The following ASAP2 variants were observed in gnomAD, a reference collection of about 807,000 sequenced individuals.
ASAP2 encodes arf-GAP with SH3 domain, ANK repeat and PH domain-containing protein 2.
A neutral mutation model predicts 131.4 loss-of-function variants in ASAP2; 45 were observed. That is an observed-to-expected ratio of 0.34 (90% confidence interval 0.27 to 0.44). The LOEUF (loss-of-function observed/expected upper bound fraction) is 0.44. ASAP2 is among the 20% of genes least tolerant of loss of function. ASAP2 has a pLI of 1.00. For missense variants in ASAP2, 1,011 were observed against 1,297.0 expected, an observed-to-expected ratio of 0.78 and a Z score of 3.39; for synonymous variants, 510 against 503.0, an observed-to-expected ratio of 1.01 and a Z score of -0.19.
At chr2:9,316,423 T>C (rs886454162) in intron 3 of ASAP2, among the ~76,000 whole-genome samples, 1 of 152,190 alleles carries the variant, frequency 6.6e-6, no homozygotes, top group African/African-American at 2.4e-5. Context: ...AATAAAACTT[T>C]CCTTTGCTTG....
chr2:9,286,447 A>AAAAATAT (rs58605449), intron 2 of ASAP2, among the ~76,000 whole-genome samples: 30 of 148,490 alleles, frequency 2.0e-4, no homozygotes, highest in African/African-American at 7.6e-4. Context: ...GAAAAAAAAA[A>AAAAATAT]ATATATATAT....
chr2:9,301,913 T>C (rs976321359), intron 3 of ASAP2, among the ~76,000 whole-genome samples: 4 of 144,284 alleles, frequency 2.8e-5, no homozygotes, highest in Non-Finnish European at 6.0e-5. Flanking sequence ...AAGCTCTGCC[T>C]CCCAGGTTCA....
Position 9,400,061 on chromosome 2 carries a change from C to T in ASAP2, c.2723C>T (p.Pro908Leu), listed in dbSNP as rs749814599. The T allele has an allele frequency of 1.1e-5, 17 of 1,613,292 alleles. No homozygotes were observed. The South Asian group carries it at 1.3e-4, about 13-fold the overall frequency. ...KSTPLTNKGQ[P>L]RGPVDLSATE... ...ACCCCACTGACCAACAAAGGCCAAC[C>T]GAGAGGACCTGGTAATTATTTAATT... is the stretch of plus-strand genomic sequence containing the variant. The change falls in exon 25 of 28, where the codon CCG (proline) becomes CTG (leucine). Residue 908 changes from proline to leucine, a missense_variant. By Grantham distance (98) the Pro-to-Leu change is moderately conservative (BLOSUM62 -3). Around this residue, in one of 2 missense-constraint regions of ASAP2, gnomAD observed 652 missense variants for 698.9 expected, o/e 0.93. Transcript: ENST00000281419.
At chr2:9,343,699 G>C (rs1343421239) in intron 9 of ASAP2, among the ~76,000 whole-genome samples, 1 of 152,280 alleles carries the variant, frequency 6.6e-6, no homozygotes, top group East Asian at 1.9e-4. Context: ...CGCCCACCTT[G>C]GTCTCCCCAG....
intron 18 of ASAP2, among the ~76,000 whole-genome samples, 171 bp from the exon 19 acceptor site, chr2:9,378,773 G>A (rs935066670): frequency 2.6e-5 from 4 of 152,250 alleles, no homozygotes; most frequent in African/African-American, 9.6e-5. Flanking sequence ...CCCCAGCCAT[G>A]TAGGCAGGGA....
chr2:9,233,027 A>G (rs1663276807), intron 1 of ASAP2, among the ~76,000 whole-genome samples: 1 of 152,152 alleles, frequency 6.6e-6, no homozygotes, highest in Non-Finnish European at 1.5e-5. Flanking sequence ...GCCTCTTAGG[A>G]ATGGAGAATG....
intron 2 of ASAP2, among the ~76,000 whole-genome samples, chr2:9,292,040 C>CT (rs1667848123): frequency 6.6e-6 from 1 of 152,142 alleles, no homozygotes. Context: ...TCCAGCTCTG[C>CT]TGCAAACTCA....
chr2:9,316,229 G>C (rs1280604611), intron 3 of ASAP2, among the ~76,000 whole-genome samples: 2 of 152,024 alleles, frequency 1.3e-5, no homozygotes, highest in Non-Finnish European at 2.9e-5. Context: ...GGCTAAGGTG[G>C]GAGGATCGCC....
In ASAP2 at chr2:9,217,042, T is replaced by C. The variant is rs1403897297; in HGVS notation, c.126+9812T>C. Among the ~76,000 whole-genome samples the C allele has an allele frequency of 6.6e-6, 1 of 152,184 alleles. No individual in the cohort carries two copies. The highest frequency in any genetic ancestry group is 1.5e-5 in the Non-Finnish European group (1 of 68,024). On this transcript the variant is annotated intron_variant, in intron 1 of 27. Transcript: ENST00000281419. The surrounding 1 kb of genome is among the most constrained non-coding windows in gnomAD (Gnocchi z 4.0). The stretch of plus-strand genomic sequence containing the variant: ...GCAAAATTAGGCCACGGTACCAAGT[T>C]CATGGAGCTTGGAGGTGATGAAGCC...
At chr2:9,350,079 C>A (rs971850673) in intron 11 of ASAP2, among the ~76,000 whole-genome samples, 29 of 152,190 alleles carry the variant, frequency 1.9e-4, no homozygotes, top group Admixed American at 2.0e-4. Flanking sequence ...CTGAAATTAT[C>A]TTCTTACCCT....
chr2:9,259,208 CAAAG>C (rs1215905579), intron 1 of ASAP2, among the ~76,000 whole-genome samples: 2 of 152,336 alleles, frequency 1.3e-5, no homozygotes, highest in African/African-American at 4.8e-5. Flanking sequence ...GGAAAACAAA[CAAAG>C]AAAGTAAAAC....
chr2:9,211,123 C>T (rs912617787), intron 1 of ASAP2, among the ~76,000 whole-genome samples: 6 of 151,430 alleles, frequency 4.0e-5, no homozygotes, highest in Non-Finnish European at 8.8e-5. Flanking sequence ...CCATTGCACT[C>T]CAGCCTGGGC....
intron 7 of ASAP2, among the ~76,000 whole-genome samples, chr2:9,333,546 G>C (rs1385500997): frequency 6.6e-6 from 1 of 151,478 alleles, no homozygotes; most frequent in African/African-American, 2.4e-5. Context: ...ACACACCTTA[G>C]GAGAAGGCTT....
At chr2:9,334,475 GA>G (rs1453383912) in intron 7 of ASAP2, among the ~76,000 whole-genome samples, 1 of 152,134 alleles carries the variant, frequency 6.6e-6, no homozygotes, top group Non-Finnish European at 1.5e-5. Flanking sequence ...GTTATAAACT[GA>G]AACTCAAGGC....
chr2:9,320,159 C>T (rs751484471), intron 4 of ASAP2, 129 bp from the exon 5 acceptor site: 6 of 723,108 alleles, frequency 8.3e-6, no homozygotes, highest in Middle Eastern at 2.5e-4. Flanking sequence ...CTTTATTTTT[C>T]GTGGGATTAC....
chr2:9,391,247 A>G, intron 23 of ASAP2, 51 bp downstream of exon 23: 7 of 1,570,874 alleles, frequency 4.5e-6, no homozygotes, highest in Non-Finnish European at 6.0e-6. Flanking sequence ...GTAGATCTGG[A>G]TGGCGGGGGG....
intron 1 of ASAP2, among the ~76,000 whole-genome samples, chr2:9,250,902 G>T (rs1248910302): frequency 2.0e-5 from 3 of 152,242 alleles, no homozygotes; most frequent in African/African-American, 7.2e-5. Flanking sequence ...CTCGGGGCTT[G>T]CTCCCGGGGA....
chr2:9,355,064 CATCTT>C (rs1558360357), intron 12 of ASAP2, among the ~76,000 whole-genome samples: 1 of 152,166 alleles, frequency 6.6e-6, no homozygotes, highest in Admixed American at 6.5e-5. Flanking sequence ...CTTCTGTTAA[CATCTT>C]AATACAGTTA....
intron 17 of ASAP2, 31 bp downstream of exon 17, chr2:9,374,975 A>T: frequency 6.5e-7 from 1 of 1,545,246 alleles, no homozygotes; most frequent in South Asian, 1.2e-5. Context: ...TACTTTAAAA[A>T]AAAAAAAAAG....
Sources: allele counts gnomAD v4.1 joint callset (sites outside exome capture counted in the v4.1 genomes callset), GRCh38; gene constraint gnomAD v4.1.1; regional missense constraint gnomAD v4.1.1; non-coding constraint Gnocchi (gnomAD v3.1); transcripts MANE v1.5; gene names NCBI Gene and HGNC (gene_info 2026-07-23, HGNC 2026-07-21).